Variants in TNPO3 observed in about 807,000 individuals in gnomAD.
TNPO3 encodes transportin-3.
Under a neutral mutation model 122.8 loss-of-function variants are expected in TNPO3, and 65 were observed. That is an observed-to-expected ratio of 0.53 (90% CI 0.43 to 0.65). The LOEUF (loss-of-function observed/expected upper bound fraction) is 0.65. Ranked by LOEUF, TNPO3 falls within the 30% of genes least tolerant of loss-of-function variation. TNPO3 has a pLI of 0.00. For synonymous variants in TNPO3, 372 were observed against 411.2 expected, an observed-to-expected ratio of 0.90 and a Z score of 1.15; for missense variants, 850 against 1,136.7, an observed-to-expected ratio of 0.75 and a Z score of 3.63.
intron 5 of TNPO3, among the ~76,000 whole-genome samples, chr7:129,003,039 C>CAAAAAAAAAAAAAAAAAA (rs56226072): frequency 1.9e-5 from 1 of 53,272 alleles, no homozygotes; most frequent in Non-Finnish European, 3.0e-5. Context: ...GACTCCCTCT[C>CAAAAAAAAAAAAAAAAAA]AAAAAAAAAA....
chr7:129,047,279 G>A (rs1318420831), intron 1 of TNPO3, among the ~76,000 whole-genome samples: 5 of 152,100 alleles, frequency 3.3e-5, no homozygotes, highest in East Asian at 3.9e-4. Flanking sequence ...TAACTGAGTC[G>A]CTTAAGTAAT....
chr7:129,054,744 C>T lies in TNPO3; in HGVS notation c.27G>A (p.Gln9=). Residue 9 remains glutamine (Q), a synonymous_variant, in exon 1 of 23, where the codon CAG becomes CAA. Coordinates refer to ENST00000265388, the MANE Select transcript of TNPO3 (RefSeq NM_012470.4). ...GCGCCTGCACTGCCTGGTACACGAGCTGCAATGTCGGCTTTGCTCCTTCCA... is the reference window on the plus strand; with the variant it reads ...GCGCCTGCACTGCCTGGTACACGAGTTGCAATGTCGGCTTTGCTCCTTCCA... The part of the protein sequence containing the change: MEGAKPTL[Q]LVYQAVQALY... The T allele has an allele frequency of 6.2e-7, 1 of 1,614,178 alleles. No individual in the cohort carries two copies.
chr7:129,053,138 A>T (rs1257431789), intron 1 of TNPO3, among the ~76,000 whole-genome samples: 1 of 152,178 alleles, frequency 6.6e-6, no homozygotes, highest in African/African-American at 2.4e-5. Context: ...AGCCTGGCCA[A>T]CATGGCGAAA....
chr7:128,955,769 A>AAT (rs1796837284), intron 22 of TNPO3, among the ~76,000 whole-genome samples: 1 of 152,240 alleles, frequency 6.6e-6, no homozygotes, highest in African/African-American at 2.4e-5. Flanking sequence ...TTTGCCTACT[A>AAT]ATAACAGTTG....
chr7:128,959,340 T>A (rs1563084428), intron 21 of TNPO3, among the ~76,000 whole-genome samples: 1 of 152,198 alleles, frequency 6.6e-6, no homozygotes, highest in Non-Finnish European at 1.5e-5. Flanking sequence ...AATTTTACCC[T>A]TCCTCAAGAG....
At chr7:129,043,170 G>C (rs1356926380) in intron 1 of TNPO3, among the ~76,000 whole-genome samples, 1 of 151,994 alleles carries the variant, frequency 6.6e-6, no homozygotes, top group Non-Finnish European at 1.5e-5. Context: ...GGAGGCCAAG[G>C]TGGGAGGATC....
chr7:129,025,027 T>C (rs985294420), intron 1 of TNPO3, among the ~76,000 whole-genome samples: 1 of 150,110 alleles, frequency 6.7e-6, no homozygotes, highest in Admixed American at 6.6e-5. Context: ...AGAGAGAACC[T>C]GCAGATTAAG....
chr7:129,027,768 G>A (rs183986561), intron 1 of TNPO3, among the ~76,000 whole-genome samples: 1 of 152,112 alleles, frequency 6.6e-6, no homozygotes, highest in Admixed American at 6.5e-5. Flanking sequence ...GAAGACAAGA[G>A]GCTAAGAAGC....
intron 18 of TNPO3, among the ~76,000 whole-genome samples, chr7:128,974,664 A>G (rs2128998506): frequency 6.6e-6 from 1 of 152,284 alleles, no homozygotes; most frequent in African/African-American, 2.4e-5. Flanking sequence ...GCAGGAACTC[A>G]GCTCCTTTAT....
intron 1 of TNPO3, among the ~76,000 whole-genome samples, chr7:129,035,108 A>G (rs1266302703): frequency 2.7e-5 from 4 of 149,704 alleles, no homozygotes; most frequent in Non-Finnish European, 5.9e-5. Context: ...CCCTGTCTCT[A>G]CTAAAAATAC....
At chr7:128,960,379 C>T (rs928064879) in intron 21 of TNPO3, among the ~76,000 whole-genome samples, 8 of 151,974 alleles carry the variant, frequency 5.3e-5, no homozygotes, top group Admixed American at 1.3e-4. Context: ...GCAGGTCCTT[C>T]GGGAGGGATT....
intron 17 of TNPO3, among the ~76,000 whole-genome samples, chr7:128,975,376 T>C (rs1395133599): frequency 6.6e-6 from 1 of 152,126 alleles, no homozygotes; most frequent in Non-Finnish European, 1.5e-5. Flanking sequence ...AACTCAATAT[T>C]CCCCTCTGTG....
At chr7:129,055,125 G>A, upstream of TNPO3, 1 of 235,832 alleles carries the variant, frequency 4.2e-6, no homozygotes, top group South Asian at 5.5e-5. Flanking sequence ...CGGACCGGAA[G>A]CGACAGCACC....
chr7:129,040,608 AATT>A (rs1168656450), intron 1 of TNPO3, among the ~76,000 whole-genome samples: 1 of 152,194 alleles, frequency 6.6e-6, no homozygotes, highest in Non-Finnish European at 1.5e-5. Flanking sequence ...TCGTTAAAAA[AATT>A]ATTTTTCTGC....
intron 1 of TNPO3, among the ~76,000 whole-genome samples, chr7:129,022,757 G>T (rs1804674791): frequency 6.6e-6 from 1 of 152,116 alleles, no homozygotes; most frequent in South Asian, 2.1e-4. Context: ...AAGAAAATGT[G>T]ACAAAGATTT....
At chr7:129,054,246 C>T (rs1276315407) in intron 1 of TNPO3, among the ~76,000 whole-genome samples, 1 of 152,126 alleles carries the variant, frequency 6.6e-6, no homozygotes, top group Non-Finnish European at 1.5e-5. Context: ...ATGCCAGATG[C>T]AAGTCTTGGA....
chr7:129,008,661 T>C (rs1278728305), intron 4 of TNPO3, among the ~76,000 whole-genome samples: 1 of 152,200 alleles, frequency 6.6e-6, no homozygotes, highest in African/African-American at 2.4e-5. Context: ...AGTAGCAAAA[T>C]GAACGGAGTA....
intron 19 of TNPO3, among the ~76,000 whole-genome samples, chr7:128,971,764 C>G (rs576475384): frequency 6.6e-6 from 1 of 152,310 alleles, no homozygotes; most frequent in Admixed American, 6.5e-5. Context: ...ATCTGCCTCT[C>G]TAATCCATCA....
At chr7:129,027,962 A>G (rs1448447453) in intron 1 of TNPO3, among the ~76,000 whole-genome samples, 1 of 152,244 alleles carries the variant, frequency 6.6e-6, no homozygotes, top group African/African-American at 2.4e-5. Flanking sequence ...ATAAATTTTC[A>G]AAGACTGAAA....
Sources: allele counts gnomAD v4.1 joint callset (sites outside exome capture counted in the v4.1 genomes callset), GRCh38; gene constraint gnomAD v4.1.1; transcripts MANE v1.5; gene names NCBI Gene and HGNC (gene_info 2026-07-23, HGNC 2026-07-21).